C2orf81: variants seen among roughly 807,000 people sequenced by gnomAD.
C2orf81 encodes the protein uncharacterized protein C2orf81.
Under a neutral mutation model 7.9 loss-of-function variants are expected in C2orf81, and 5 were observed. That is an observed-to-expected ratio of 0.63 (90% CI 0.33 to 1.33). C2orf81 has a LOEUF of 1.33. Ranked by LOEUF, C2orf81 falls within the 40% of genes most tolerant of loss-of-function variation. The pLI is 0.05. For synonymous variants in C2orf81, 346 were observed against 367.4 expected (o/e 0.94, Z 0.66); for missense variants, 781 against 830.4 (o/e 0.94, Z 0.73).
intron 1 of C2orf81, among the ~76,000 whole-genome samples, chr2:74,420,630 A>AG (rs1676577729): frequency 6.6e-6 from 1 of 152,196 alleles, no homozygotes; most frequent in African/African-American, 2.4e-5. Context: ...TGACTAGAGC[A>AG]GGGCTGACTG....
Position 74,415,562 on chromosome 2 carries a change from G to C in C2orf81, c.615C>G (p.Ser205=). 6.4e-7 allele frequency: 1 copy of C among 1,550,630 alleles called. No homozygotes were observed. Among genetic ancestry groups the C allele is most frequent in the Non-Finnish European group, 8.7e-7 (1 of 1,146,432 alleles). The change falls in exon 3 of 3, where the codon TCC becomes TCG. Residue 205 remains serine, a synonymous_variant. Coordinates refer to ENST00000684111, the MANE Select transcript of C2orf81 (RefSeq NM_001316764.3). The surrounding 1 kb of genome is among the most constrained non-coding windows in gnomAD (Gnocchi z 5.5). The part of the protein sequence containing the change: ...PLGRSWMGRG[S]QEQMESWEPS... ...GCTCCCAAGATTCCATCTGCTCCTGGGAGCCTCGACCCATCCACGACCTTC... is the reference window on the plus strand; with the variant it reads ...GCTCCCAAGATTCCATCTGCTCCTGCGAGCCTCGACCCATCCACGACCTTC...
chr2:74,419,699 A>T (rs1304345212), intron 1 of C2orf81, among the ~76,000 whole-genome samples: 1 of 152,264 alleles, frequency 6.6e-6, no homozygotes, highest in Non-Finnish European at 1.5e-5. Flanking sequence ...CATGTCTTTA[A>T]AAAGAGAATA....
At chr2:74,420,935 C>G (rs1410770348) in intron 1 of C2orf81, among the ~76,000 whole-genome samples, 1 of 152,002 alleles carries the variant, frequency 6.6e-6, no homozygotes, top group African/African-American at 2.4e-5. Context: ...CACCGCGCCA[C>G]CACATCCAGC....
intron 1 of C2orf81, among the ~76,000 whole-genome samples, chr2:74,416,830 A>AT (rs530639283): frequency 0.039 from 5,830 of 148,044 alleles, 330 homozygotes; most frequent in African/African-American, 0.13. Flanking sequence ...CCAGAAAAGG[A>AT]TTTTTTTTTT....
At chr2:74,416,399 G>A (rs1224110772) in intron 1 of C2orf81, 158 bp from the exon 2 acceptor site, 1 of 390,238 alleles carries the variant, frequency 2.6e-6, no homozygotes, top group Non-Finnish European at 4.7e-6. Context: ...GTAGATGTTT[G>A]ACCTAATAAT....
intron 1 of C2orf81, chr2:74,417,981 T>C (rs1212925145): frequency 4.4e-6 from 2 of 454,554 alleles, no homozygotes; most frequent in African/African-American, 2.0e-5. Flanking sequence ...GCTGGTGTGT[T>C]GTGTAGTGTG....
In C2orf81 at chr2:74,415,356, G is replaced by T; in HGVS notation, c.821C>A (p.Pro274His). Reference protein sequence around the residue: ...VEEAPADDADPSLDPYLVASP... With the variant: ...VEEAPADDADHSLDPYLVASP... ...GGCTACCAGGTACGGATCCAGAGAA[G>T]GGTCGGCATCGTCGGCAGGCGCCTC... Residue 274 changes from proline (P) to histidine (H), a missense_variant, in exon 3 of 3, where the codon CCT (proline) becomes CAT (histidine). Transcript: ENST00000684111. This position sits in a 1 kb window ranked among gnomAD's most constrained non-coding sequence, Gnocchi z 5.5. 6.6e-7 allele frequency: 1 copy of T among 1,515,522 alleles called. No homozygotes were observed. The highest frequency in any genetic ancestry group is 8.9e-7 in the Non-Finnish European group (1 of 1,126,458). 93.9% of individuals were successfully genotyped at this position (1,515,522 alleles called of 1,614,324 possible). A position where few individuals can be genotyped will look rare whatever the true frequency, so the allele number is the denominator to read the frequency against.
chr2:74,415,225 C>G lies in C2orf81; in HGVS notation c.952G>C (p.Glu318Gln). The change falls in exon 3 of 3, where the codon GAA becomes CAA. Residue 318 changes from glutamate to glutamine, a missense_variant. Transcript: ENST00000684111. The surrounding 1 kb of genome is among the most constrained non-coding windows in gnomAD (Gnocchi z 5.5). ...CAGGGCACCCCCTCTGACCTGAGTT[C>G]CAGCCGATCCCCAGCCGCGTCCAGT... The part of the protein sequence containing the change: ...PQLDAAGDRL[E>Q]LRSEGVPCIA... The G allele has an allele frequency of 6.4e-7, 1 of 1,551,092 alleles. No homozygotes were observed. Among genetic ancestry groups the G allele is most frequent in the Non-Finnish European group, 8.7e-7 (1 of 1,146,950 alleles).
At chr2:74,421,073 A>C (rs1179374647) in intron 1 of C2orf81, among the ~76,000 whole-genome samples, 1 of 152,034 alleles carries the variant, frequency 6.6e-6, no homozygotes, top group Non-Finnish European at 1.5e-5. Context: ...TGAGCCATTG[A>C]GACCGGCCCC....
intron 1 of C2orf81, among the ~76,000 whole-genome samples, chr2:74,417,219 G>C (rs1397639110): frequency 1.3e-5 from 2 of 152,252 alleles, no homozygotes; most frequent in African/African-American, 4.8e-5. Flanking sequence ...CAGAACCTGG[G>C]GGGGTGGCAG....
rs750225687 is a variant in C2orf81, at chr2:74,414,829, G to A, written c.1348C>T (p.Pro450Ser). The change falls in exon 3 of 3, where the codon CCC becomes TCC. Residue 450 changes from proline to serine, a missense_variant. Physicochemically the swap from Pro to Ser is moderately conservative, Grantham distance 74 (BLOSUM62 -1). Transcript: ENST00000684111. This position sits in a 1 kb window ranked among gnomAD's most constrained non-coding sequence, Gnocchi z 5.3. ...TTTAAAGTGGGGAACAGGAGTGCGG[G>A]GCCCGAGTCCAAGTCACGGAAAGGA... ...GIPFRDLDSG[P>S]ALLFPTLNLG... The A allele has an allele frequency of 3.2e-6, 5 of 1,551,444 alleles. No homozygotes were observed. The highest frequency in any genetic ancestry group is 1.2e-5 in the South Asian group (1 of 84,064).
At chr2:74,418,339 A>G (rs1230094296) in intron 1 of C2orf81, 3 of 1,603,490 alleles carry the variant, frequency 1.9e-6, no homozygotes, top group Non-Finnish European at 1.7e-6. Flanking sequence ...CCTGGGACTC[A>G]CCGGAGGCTG....
intron 1 of C2orf81, among the ~76,000 whole-genome samples, chr2:74,418,886 TA>T (rs925890976): frequency 8.0e-4 from 116 of 145,012 alleles, no homozygotes; most frequent in Middle Eastern, 3.6e-3. Flanking sequence ...AAAGCTCATA[TA>T]AAAAAAAAAA....
chr2:74,415,198 T>C lies in C2orf81; in HGVS notation c.979A>G (p.Ile327Val). ...TAGGACACCAACACGCCCGAGGCGA[T>C]GCAGGGCACCCCCTCTGACCTGAGT... Reference protein sequence around the residue: ...LELRSEGVPCIASGVLVSYPS... With the variant: ...LELRSEGVPCVASGVLVSYPS... Residue 327 changes from isoleucine to valine, a missense_variant, in exon 3 of 3, where the codon ATC (isoleucine) becomes GTC (valine). Physicochemically the swap from Ile to Val is conservative, Grantham distance 29 (BLOSUM62 3). Coordinates refer to ENST00000684111, the MANE Select transcript of C2orf81 (RefSeq NM_001316764.3). This position sits in a 1 kb window ranked among gnomAD's most constrained non-coding sequence, Gnocchi z 5.5. 2 of 1,534,608 alleles carry C rather than the reference T, an allele frequency of 1.3e-6. No homozygotes were observed. Among genetic ancestry groups the C allele is most frequent in the South Asian group, 1.2e-5 (1 of 83,458 alleles).
At position 74,415,565 on chromosome 2, in the gene C2orf81, G is replaced by T. The variant is rs771013354; in HGVS notation, c.612C>A (p.Gly204=). Residue 204 remains glycine (G), a synonymous_variant, in exon 3 of 3, where the codon GGC becomes GGA. Transcript: ENST00000684111. This position sits in a 1 kb window ranked among gnomAD's most constrained non-coding sequence, Gnocchi z 5.5. ...CCCAAGATTCCATCTGCTCCTGGGA[G>T]CCTCGACCCATCCACGACCTTCCTA... ...IPLGRSWMGR[G]SQEQMESWEP... 2.0e-5 allele frequency: 31 copies of T among 1,550,938 alleles called. No homozygotes were observed. In the South Asian group the frequency reaches 3.6e-4, roughly 18 times the overall value.
At chr2:74,419,940 T>A (rs987093695) in intron 1 of C2orf81, among the ~76,000 whole-genome samples, 1 of 152,098 alleles carries the variant, frequency 6.6e-6, no homozygotes, top group Non-Finnish European at 1.5e-5. Context: ...CCTGGCTAAT[T>A]TTTTTTCTAT....
chr2:74,415,788 G>T lies in C2orf81; in HGVS notation c.389C>A (p.Thr130Lys). ...TGAACCCTGAGCCCAGGAGTCCGTC[G>T]TGCATGCCGAAGGCTCCTCGTCCTC... ...WGEDEEPSAC[T>K]TDSWAQGSVP... Residue 130 changes from threonine to lysine, a missense_variant, in exon 3 of 3, where the codon ACG becomes AAG. By Grantham distance (78) the Thr-to-Lys change is moderately conservative (BLOSUM62 -1). Transcript: ENST00000684111. This position sits in a 1 kb window ranked among gnomAD's most constrained non-coding sequence, Gnocchi z 5.5. The T allele has an allele frequency of 6.4e-7, 1 of 1,551,646 alleles. No homozygotes were observed. Among genetic ancestry groups the T allele is most frequent in the Non-Finnish European group, 8.7e-7 (1 of 1,147,018 alleles).
At chr2:74,420,760 T>TTTC (rs1223428800) in intron 1 of C2orf81, among the ~76,000 whole-genome samples, 88 of 147,460 alleles carry the variant, frequency 6.0e-4, no homozygotes, top group East Asian at 1.2e-3. Context: ...ATCCGTTTTC[T>TTTC]TTCTTCTTCT....
intron 1 of C2orf81, among the ~76,000 whole-genome samples, chr2:74,416,948 C>A (rs1198340099): frequency 6.6e-6 from 1 of 152,128 alleles, no homozygotes; most frequent in African/African-American, 2.4e-5. Context: ...CCCCTACATG[C>A]TTTATGGTGG....
Sources: allele counts gnomAD v4.1 joint callset (sites outside exome capture counted in the v4.1 genomes callset), GRCh38; gene constraint gnomAD v4.1.1; non-coding constraint Gnocchi (gnomAD v3.1); transcripts MANE v1.5; gene names NCBI Gene and HGNC (gene_info 2026-07-23, HGNC 2026-07-21).